SLC9B1: variants seen among roughly 807,000 people sequenced by gnomAD.
SLC9B1 encodes the protein sodium/hydrogen exchanger 9B1.
A neutral mutation model predicts 51.7 loss-of-function variants in SLC9B1; 32 were observed. The observed-to-expected ratio is 0.62, with a 90% confidence interval of 0.47 to 0.83. The LOEUF (loss-of-function observed/expected upper bound fraction) is 0.83. Among genes scored for constraint, SLC9B1 ranks in the 40% least tolerant of loss-of-function variants. SLC9B1 has a pLI of 0.00. For synonymous variants in SLC9B1, 145 were observed against 212.7 expected (o/e 0.68, Z 2.77); for missense variants, 406 against 613.2 (o/e 0.66, Z 3.57).
At chr4:103,018,753 C>CT (rs1273315431) in intron 1 of SLC9B1, among the ~76,000 whole-genome samples, 1 of 152,130 alleles carries the variant, frequency 6.6e-6, no homozygotes, top group Non-Finnish European at 1.5e-5. Context: ...TGCAACTTTC[C>CT]TTTTTCCTTC....
At chr4:102,900,646 T>G (rs1030822460), downstream of SLC9B1, among the ~76,000 whole-genome samples, 1 of 152,156 alleles carries the variant, frequency 6.6e-6, no homozygotes, top group African/African-American at 2.4e-5. Context: ...AGTTAACCCA[T>G]TTAAAGTTGA....
intron 4 of SLC9B1, among the ~76,000 whole-genome samples, chr4:102,947,635 G>A (rs1737333552): frequency 6.6e-6 from 1 of 152,226 alleles, no homozygotes; most frequent in African/African-American, 2.4e-5. Context: ...TTATGGGCAT[G>A]AGCCACCGTG....
At chr4:102,974,227 A>G (rs1442165757) in intron 3 of SLC9B1, among the ~76,000 whole-genome samples, 3 of 106,336 alleles carry the variant, frequency 2.8e-5, no homozygotes, top group Admixed American at 1.1e-4. Context: ...ACAGAGCAAG[A>G]CTCTGTCTAA....
intron 3 of SLC9B1, among the ~76,000 whole-genome samples, chr4:102,971,781 A>T (rs1738775998): frequency 6.6e-6 from 1 of 152,188 alleles, no homozygotes; most frequent in Non-Finnish European, 1.5e-5. Context: ...AATCAAATAG[A>T]TGCAATAAAA....
At chr4:102,935,790 T>C (rs1165415290) in intron 6 of SLC9B1, among the ~76,000 whole-genome samples, 2 of 152,154 alleles carry the variant, frequency 1.3e-5, no homozygotes, top group Admixed American at 6.5e-5. Context: ...AATGGTAACA[T>C]AAAACTCACG....
At position 102,962,037 on chromosome 4, in the gene SLC9B1, G is replaced by T. The variant is rs1578383700; in HGVS notation, c.212-12610C>A. ...TGGTGCCCACCCTGGCTCCTCCATT[G>T]CCTTGCTCTCAGCCCCTGGCATCCA... On this transcript the variant is annotated intron_variant, in intron 3 of 11. Transcript: ENST00000296422. 2.8e-5 allele frequency: 9 copies of T among 323,730 alleles called. No homozygotes were observed. In the East Asian group the frequency reaches 6.9e-4, roughly 25 times the overall value. The allele number at this position is 323,730 out of a possible 1,614,324, so 20.1% of individuals were successfully genotyped here.
intron 1 of SLC9B1, among the ~76,000 whole-genome samples, chr4:102,991,965 C>G (rs1238552048): frequency 1.3e-5 from 2 of 152,086 alleles, no homozygotes; most frequent in African/African-American, 4.8e-5. Context: ...GTTCATAATG[C>G]TGGCCCATAT....
chr4:102,956,811 T>G (rs1441694673), intron 3 of SLC9B1, among the ~76,000 whole-genome samples: 1 of 152,026 alleles, frequency 6.6e-6, no homozygotes, highest in African/African-American at 2.4e-5. Context: ...TTATCAGACA[T>G]GTAAGGAAAC....
intron 5 of SLC9B1, among the ~76,000 whole-genome samples, 165 bp from the exon 6 acceptor site, chr4:102,945,485 T>C (rs1408673656): frequency 6.6e-6 from 1 of 152,194 alleles, no homozygotes; most frequent in African/African-American, 2.4e-5. Flanking sequence ...TTACATTTTA[T>C]ATGTCATCAT....
chr4:103,007,819 T>C (rs1740870817), intron 1 of SLC9B1, among the ~76,000 whole-genome samples: 1 of 152,024 alleles, frequency 6.6e-6, no homozygotes, highest in Non-Finnish European at 1.5e-5. Flanking sequence ...CTTGAACTCC[T>C]GGGCTCAAGT....
rs1738347432 is a variant in SLC9B1, at chr4:102,965,018, TA to T, written c.212-15592del. ...ACACACCCACACACACACACCCACATACCACACCCCCTCCCAGACTTACTAG... is the reference window on the plus strand; with the variant it reads ...ACACACCCACACACACACACCCACATCCACACCCCCTCCCAGACTTACTAG... On this transcript the variant is annotated intron_variant, in intron 3 of 11. Coordinates refer to ENST00000296422, the MANE Select transcript of SLC9B1 (RefSeq NM_139173.4). 2.6e-5 allele frequency among the ~76,000 whole-genome samples: 4 copies of T among 151,982 alleles called. No homozygotes were observed. The South Asian group carries it at 8.3e-4, about 32-fold the overall frequency.
At chr4:102,969,101 G>C (rs776931560) in intron 3 of SLC9B1, among the ~76,000 whole-genome samples, 18 of 152,200 alleles carry the variant, frequency 1.2e-4, no homozygotes, top group Non-Finnish European at 1.8e-4. Flanking sequence ...CCACCTCTGG[G>C]GGCAGGGTAT....
chr4:102,926,886 T>C (rs1420325335), intron 7 of SLC9B1, among the ~76,000 whole-genome samples: 1 of 152,216 alleles, frequency 6.6e-6, no homozygotes, highest in African/African-American at 2.4e-5. Flanking sequence ...AGCATGGTAC[T>C]GGTACCAAAA....
intron 11 of SLC9B1, among the ~76,000 whole-genome samples, chr4:102,895,655 C>T (rs1391022776): frequency 6.6e-6 from 1 of 152,070 alleles, no homozygotes; most frequent in Non-Finnish European, 1.5e-5. Flanking sequence ...GATTTGATAA[C>T]ACGAAGGCCA....
chr4:102,987,564 A>T (rs1560521467), intron 3 of SLC9B1, among the ~76,000 whole-genome samples: 4 of 151,388 alleles, frequency 2.6e-5, no homozygotes, highest in South Asian at 2.1e-4. Flanking sequence ...CTGATAAAAA[A>T]TTTTTTTTTG....
At chr4:102,998,071 A>G (rs1274372709) in intron 1 of SLC9B1, among the ~76,000 whole-genome samples, 1 of 152,158 alleles carries the variant, frequency 6.6e-6, no homozygotes, top group African/African-American at 2.4e-5. Context: ...GGCATTATGT[A>G]TATTTGCATT....
chr4:102,905,075 G>A (rs1260313867), intron 11 of SLC9B1, among the ~76,000 whole-genome samples: 1 of 151,848 alleles, frequency 6.6e-6, no homozygotes, highest in Admixed American at 6.6e-5. Flanking sequence ...AATTGTTTGC[G>A]CCCAGGAGGT....
At chr4:103,007,256 T>TA (rs1387549740) in intron 1 of SLC9B1, among the ~76,000 whole-genome samples, 1 of 152,102 alleles carries the variant, frequency 6.6e-6, no homozygotes, top group African/African-American at 2.4e-5. Context: ...CTCCTAGATA[T>TA]AAAAAACTAC....
At chr4:102,998,062 G>C (rs976580114) in intron 1 of SLC9B1, among the ~76,000 whole-genome samples, 36 of 152,082 alleles carry the variant, frequency 2.4e-4, no homozygotes, top group Non-Finnish European at 4.7e-4. Context: ...AGTTCCAGGG[G>C]CATTATGTAT....
Sources: allele counts gnomAD v4.1 joint callset (sites outside exome capture counted in the v4.1 genomes callset), GRCh38; gene constraint gnomAD v4.1.1; transcripts MANE v1.5; gene names NCBI Gene and HGNC (gene_info 2026-07-23, HGNC 2026-07-21).